Variants in STXBP6 observed in about 807,000 individuals in gnomAD.
STXBP6 encodes syntaxin-binding protein 6.
A neutral mutation model predicts 26.9 loss-of-function variants in STXBP6; 21 were observed. That is an observed-to-expected ratio of 0.78 (90% CI 0.55 to 1.12). The LOEUF (loss-of-function observed/expected upper bound fraction) is 1.12, where lower values mean the gene tolerates loss of function less well. Ranked by LOEUF, STXBP6 falls within the 50% of genes most tolerant of loss-of-function variation. The pLI is 0.00. For missense variants in STXBP6, 232 were observed against 257.9 expected, an observed-to-expected ratio of 0.90 and a Z score of 0.69; for synonymous variants, 97 against 92.6, an observed-to-expected ratio of 1.05 and a Z score of -0.27.
chr14:24,935,735 C>T (rs2072571766), intron 2 of STXBP6, among the ~76,000 whole-genome samples: 2 of 152,200 alleles, frequency 1.3e-5, no homozygotes, highest in African/African-American at 4.8e-5. Flanking sequence ...TACAATTATA[C>T]TAGATTGCTT....
intron 4 of STXBP6, among the ~76,000 whole-genome samples, chr14:24,845,834 G>C (rs1288629601): frequency 6.6e-6 from 1 of 152,180 alleles, no homozygotes; most frequent in Non-Finnish European, 1.5e-5. Context: ...AGGGGTGTCA[G>C]AGACAGAGAA....
intron 2 of STXBP6, among the ~76,000 whole-genome samples, chr14:24,973,331 T>C (rs1449544001): frequency 2.6e-5 from 4 of 151,716 alleles, no homozygotes; most frequent in Admixed American, 6.6e-5. Context: ...CAGAAACCAA[T>C]GTTTCAAGGT....
rs919846849 is a variant in STXBP6, at chr14:24,918,108, G to A, written c.154+56557C>T. On this transcript the variant is annotated intron_variant, in intron 2 of 5. Coordinates refer to ENST00000323944, the MANE Select transcript of STXBP6 (RefSeq NM_001394410.1). ...TAGATTAATGGTTGCCAAGGGCTGG[G>A]GGAGGTTGTATCTAATAATAGGTAT... is the stretch of plus-strand genomic sequence containing the variant. Among the ~76,000 whole-genome samples the A allele has an allele frequency of 6.6e-5, 10 of 152,174 alleles. No individual in the cohort carries two copies. The Middle Eastern group carries it at 0.014, about 207-fold the overall frequency.
intron 4 of STXBP6, among the ~76,000 whole-genome samples, chr14:24,832,984 T>C (rs1175982502): frequency 6.6e-6 from 1 of 152,240 alleles, no homozygotes; most frequent in Non-Finnish European, 1.5e-5. Flanking sequence ...CTTAAAATGA[T>C]GAAACTCAGA....
chr14:24,899,728 C>T (rs2071132028), intron 2 of STXBP6, among the ~76,000 whole-genome samples: 1 of 135,638 alleles, frequency 7.4e-6, no homozygotes, highest in African/African-American at 2.7e-5. Flanking sequence ...TTGCAGTGAG[C>T]CGAGATCGTG....
At chr14:24,821,075 G>A (rs1170320213) in intron 4 of STXBP6, among the ~76,000 whole-genome samples, 2 of 152,154 alleles carry the variant, frequency 1.3e-5, no homozygotes, top group African/African-American at 4.8e-5. Context: ...AAAGGAAGAG[G>A]CCAATGGGGT....
chr14:25,049,739 A>G lies in STXBP6; in HGVS notation c.-33+139T>C. The G allele has an allele frequency of 4.1e-6, 4 of 985,340 alleles. No individual in the cohort carries two copies. The highest frequency in any genetic ancestry group is 4.8e-6 in the Non-Finnish European group (4 of 830,014). The allele number at this position is 985,340 out of a possible 1,614,324, so 61.0% of individuals were successfully genotyped here. A position where few individuals can be genotyped will look rare whatever the true frequency, so the allele number is the denominator to read the frequency against. On this transcript the variant is annotated intron_variant, in intron 1 of 5. Coordinates refer to ENST00000323944, the MANE Select transcript of STXBP6 (RefSeq NM_001394410.1). This position sits in a 1 kb window ranked among gnomAD's most constrained non-coding sequence, Gnocchi z 5.6. ...GCCAACTTGGAAGAATCTCTCTGGG[A>G]GCCTGCCTACTCCCCTGGCCTCACA...
At chr14:24,883,431 C>T (rs934027006) in intron 2 of STXBP6, among the ~76,000 whole-genome samples, 1 of 151,998 alleles carries the variant, frequency 6.6e-6, no homozygotes, top group Non-Finnish European at 1.5e-5. Context: ...TTCTGGGATC[C>T]CAACAAGTAT....
At position 24,835,590 on chromosome 14, in the gene STXBP6, GATC is replaced by G. The variant is rs2068587062; in HGVS notation, c.452-16399_452-16397del. ...TGTTTAAAAAGCAAAAATAAACATA[GATC>G]ATCTAATTTTTTAAAATGGAATATT... is the stretch of plus-strand genomic sequence containing the variant. On this transcript the variant is annotated intron_variant, in intron 4 of 5. Coordinates refer to ENST00000323944, the MANE Select transcript of STXBP6 (RefSeq NM_001394410.1). Among the ~76,000 whole-genome samples the G allele has an allele frequency of 3.9e-5, 6 of 152,090 alleles. No homozygotes were observed. The South Asian group carries it at 1.2e-3, about 32-fold the overall frequency.
chr14:24,976,852 C>CTATTTTTTTTTTT (rs2074058059), intron 1 of STXBP6, among the ~76,000 whole-genome samples: 1 of 45,276 alleles, frequency 2.2e-5, no homozygotes, highest in Non-Finnish European at 3.7e-5. Flanking sequence ...ACTGGGCGCT[C>CTATTTTTTTTTTT]TTTTTTTTTT....
chr14:24,956,346 GA>G (rs1164896452), intron 2 of STXBP6, among the ~76,000 whole-genome samples: 1 of 152,164 alleles, frequency 6.6e-6, no homozygotes, highest in East Asian at 1.9e-4. Context: ...GGACATGTCT[GA>G]AACACTACTA....
At chr14:24,900,523 T>C (rs1302259492) in intron 2 of STXBP6, among the ~76,000 whole-genome samples, 1 of 152,196 alleles carries the variant, frequency 6.6e-6, no homozygotes, top group African/African-American at 2.4e-5. Flanking sequence ...ACATCTGATA[T>C]AGATTAAGGG....
chr14:24,948,280 C>T (rs1415516829), intron 2 of STXBP6, among the ~76,000 whole-genome samples: 1 of 151,988 alleles, frequency 6.6e-6, no homozygotes, highest in Non-Finnish European at 1.5e-5. Flanking sequence ...TACCTGGACC[C>T]AAAGAATCTC....
chr14:24,939,420 G>A lies in STXBP6; in HGVS notation c.154+35245C>T, dbSNP rs116453280. Among the ~76,000 whole-genome samples the A allele has an allele frequency of 5.8e-3, 878 of 151,746 alleles. 10 individuals are homozygous for A. Among genetic ancestry groups the A allele is most frequent in the African/African-American group, 0.021 (849 of 41,410 alleles). On this transcript the variant is annotated intron_variant, in intron 2 of 5. Transcript: ENST00000323944. ...AAGATTTTAGCAAAAGGTTCAATTA[G>A]ATGTGGTTACATAACATTTTTTCAA...
intron 4 of STXBP6, among the ~76,000 whole-genome samples, chr14:24,822,896 GT>G (rs2068178610): frequency 6.6e-6 from 1 of 152,090 alleles, no homozygotes; most frequent in Admixed American, 6.6e-5. Context: ...ATCACGACAT[GT>G]TTTGTAAATA....
chr14:25,025,085 T>C (rs1001165320), intron 1 of STXBP6, among the ~76,000 whole-genome samples: 1 of 152,124 alleles, frequency 6.6e-6, no homozygotes, highest in Non-Finnish European at 1.5e-5. Context: ...CAACATTCAT[T>C]AAAAAGAAAA....
chr14:24,922,123 C>T (rs1016092521), intron 2 of STXBP6, among the ~76,000 whole-genome samples: 1 of 152,162 alleles, frequency 6.6e-6, no homozygotes, highest in South Asian at 2.1e-4. Flanking sequence ...AATGAGTCAC[C>T]CTCCAACTCT....
chr14:24,874,355 T>C (rs1168041241), intron 2 of STXBP6, among the ~76,000 whole-genome samples: 4 of 152,142 alleles, frequency 2.6e-5, no homozygotes, highest in African/African-American at 9.6e-5. Flanking sequence ...ATTATACTAC[T>C]AGCCTCCATT....
chr14:24,933,508 T>G (rs140075822), intron 2 of STXBP6, among the ~76,000 whole-genome samples: 68 of 152,340 alleles, frequency 4.5e-4, no homozygotes, highest in African/African-American at 1.6e-3. Context: ...AATTTCTGCA[T>G]GTACTGAGGG....
Sources: allele counts gnomAD v4.1 joint callset (sites outside exome capture counted in the v4.1 genomes callset), GRCh38; gene constraint gnomAD v4.1.1; non-coding constraint Gnocchi (gnomAD v3.1); transcripts MANE v1.5; gene names NCBI Gene and HGNC (gene_info 2026-07-23, HGNC 2026-07-21).